The following NCOA7 variants were observed in gnomAD, a reference collection of about 807,000 sequenced individuals.
NCOA7 encodes 140 kDa estrogen receptor-associated protein.
NCOA7 carries 45 observed loss-of-function variants against 104.3 expected under a neutral mutation model. That is an observed-to-expected ratio of 0.43 (90% confidence interval 0.34 to 0.55). The LOEUF is 0.55. Among genes scored for constraint, NCOA7 ranks in the 20% least tolerant of loss-of-function variants. NCOA7 has a pLI of 0.02. For missense variants in NCOA7, 1,041 were observed against 1,119.7 expected, an observed-to-expected ratio of 0.93 and a Z score of 1.00; for synonymous variants, 398 against 402.3, an observed-to-expected ratio of 0.99 and a Z score of 0.13.
At chr6:125,824,622 G>A (rs1562837835) in intron 2 of NCOA7, among the ~76,000 whole-genome samples, 1 of 152,162 alleles carries the variant, frequency 6.6e-6, no homozygotes, top group East Asian at 1.9e-4. Context: ...ATTTCAGGGA[G>A]TTTATAAATC....
rs948296517 is a variant in NCOA7 at position 125,927,579 on chromosome 6, A to G, written c.2524-84A>G. On this transcript the variant is annotated intron_variant, in intron 13 of 15. Coordinates refer to ENST00000392477, the MANE Select transcript of NCOA7 (RefSeq NM_181782.5). Reference sequence around the variant, plus strand: ...TCTTTGCTGAAATAGATCTCAGAACATGATGTATCAAAAATATTCCAGAAA... The same window carrying G: ...TCTTTGCTGAAATAGATCTCAGAACGTGATGTATCAAAAATATTCCAGAAA... 3.0e-6 allele frequency: 3 copies of G among 992,382 alleles called. No individual in the cohort carries two copies. The African/African-American group carries it at 4.8e-5, about 16-fold the overall frequency. The allele number at this position is 992,382 out of a possible 1,614,324, so 61.5% of individuals were successfully genotyped here.
chr6:125,903,783 G>A (rs1785719316), intron 10 of NCOA7, among the ~76,000 whole-genome samples: 2 of 149,422 alleles, frequency 1.3e-5, no homozygotes, highest in African/African-American at 4.9e-5. Context: ...TCAGCTCACT[G>A]CAACCTCCAC....
At chr6:125,839,274 C>T (rs759844760) in intron 2 of NCOA7, among the ~76,000 whole-genome samples, 2 of 152,092 alleles carry the variant, frequency 1.3e-5, no homozygotes, top group South Asian at 2.1e-4. Context: ...CATGCCACCA[C>T]GCCTGGATAA....
At chr6:125,847,474 T>C (rs868755828) in intron 2 of NCOA7, among the ~76,000 whole-genome samples, 2 of 152,208 alleles carry the variant, frequency 1.3e-5, no homozygotes, top group Non-Finnish European at 2.9e-5. Flanking sequence ...TTTTCAAAAG[T>C]GTGCATTTTT....
chr6:125,889,765 A>C lies in NCOA7; in HGVS notation c.1711A>C (p.Ile571Leu). The C allele has an allele frequency of 6.2e-7, 1 of 1,612,588 alleles. No individual in the cohort carries two copies. Among genetic ancestry groups the C allele is most frequent in the Non-Finnish European group, 8.5e-7 (1 of 1,179,462 alleles). ...TTCTCTTTCCCAGGCGGGTGATCCC[A>C]TAACTGAGGGCAATAAAGAGCCAGA... is the stretch of plus-strand genomic sequence containing the variant. ...SSSLSQAGDP[I>L]TEGNKEPDKT... is the part of the protein sequence containing the mutation. The change falls in exon 9 of 16, where the codon ATA (isoleucine) becomes CTA (leucine). Residue 571 changes from isoleucine to leucine, a missense_variant. Around this residue, in one of 2 missense-constraint regions of NCOA7, gnomAD observed 914 missense variants for 942.7 expected, o/e 0.97. Coordinates refer to ENST00000392477, the MANE Select transcript of NCOA7 (RefSeq NM_181782.5).
upstream of NCOA7, among the ~76,000 whole-genome samples, chr6:125,790,361 C>T (rs934996583): frequency 6.6e-6 from 1 of 152,210 alleles, no homozygotes; most frequent in South Asian, 2.1e-4. Flanking sequence ...GGAAGCGGCC[C>T]GGGGTGAGGT....
At chr6:125,922,541 C>G in intron 12 of NCOA7, 141 bp from the exon 13 acceptor site, 1 of 979,824 alleles carries the variant, frequency 1.0e-6, no homozygotes, top group Non-Finnish European at 1.5e-6. Flanking sequence ...TTTAGAATAG[C>G]AAATATTTGC....
intron 1 of NCOA7, among the ~76,000 whole-genome samples, chr6:125,814,090 TTATTG>T (rs1375237043): frequency 6.6e-6 from 1 of 152,180 alleles, no homozygotes; most frequent in African/African-American, 2.4e-5. Flanking sequence ...ATTAATTTGT[TTATTG>T]AATTGAAATG....
intron 1 of NCOA7, 63 bp from the exon 2 acceptor site, chr6:125,815,228 A>G (rs878915752): frequency 1.7e-6 from 1 of 597,240 alleles, no homozygotes; most frequent in African/African-American, 1.9e-5. Flanking sequence ...ACTCCATTTT[A>G]TTTTTCACAT....
intron 10 of NCOA7, among the ~76,000 whole-genome samples, chr6:125,914,031 C>G (rs1786823026): frequency 6.6e-6 from 1 of 152,240 alleles, no homozygotes; most frequent in Non-Finnish European, 1.5e-5. Context: ...GTCAGTCTTT[C>G]AAGAGCCATT....
At chr6:125,797,383 CAG>C (rs1211730180) in intron 1 of NCOA7, among the ~76,000 whole-genome samples, 2 of 152,126 alleles carry the variant, frequency 1.3e-5, no homozygotes, top group South Asian at 2.1e-4. Flanking sequence ...AGCTGATTAA[CAG>C]AGGATTTAGA....
At chr6:125,851,232 C>G (rs1781097782) in intron 2 of NCOA7, among the ~76,000 whole-genome samples, 1 of 151,910 alleles carries the variant, frequency 6.6e-6, no homozygotes, top group African/African-American at 2.4e-5. Flanking sequence ...GTACATTGTA[C>G]CCAATATGTA....
At chr6:125,875,997 A>G (rs1412217110) in intron 4 of NCOA7, among the ~76,000 whole-genome samples, 1 of 151,910 alleles carries the variant, frequency 6.6e-6, no homozygotes, top group Non-Finnish European at 1.5e-5. Flanking sequence ...CAAAGTGGGG[A>G]CTCAGTTGTA....
chr6:125,872,696 G>A (rs1293656508), intron 3 of NCOA7, among the ~76,000 whole-genome samples: 1 of 151,888 alleles, frequency 6.6e-6, no homozygotes, highest in Admixed American at 6.6e-5. Context: ...TATTGTTAAT[G>A]TTTTATTGCT....
chr6:125,907,610 G>A (rs1016503052), intron 10 of NCOA7, among the ~76,000 whole-genome samples: 2 of 152,166 alleles, frequency 1.3e-5, no homozygotes, highest in East Asian at 1.9e-4. Flanking sequence ...CATGAGATCT[G>A]ACTATGGACA....
At chr6:125,880,700 T>G (rs1454754173) in intron 5 of NCOA7, among the ~76,000 whole-genome samples, 1 of 151,810 alleles carries the variant, frequency 6.6e-6, no homozygotes, top group Non-Finnish European at 1.5e-5. Context: ...AGCTAAATTT[T>G]TTTGTATTTT....
chr6:125,858,096 T>G (rs1381570190), intron 3 of NCOA7, among the ~76,000 whole-genome samples: 2 of 152,084 alleles, frequency 1.3e-5, no homozygotes, highest in African/African-American at 4.8e-5. Flanking sequence ...TAGACTTCCT[T>G]TCTGCATTGT....
intron 3 of NCOA7, among the ~76,000 whole-genome samples, chr6:125,868,707 T>C (rs1030406424): frequency 1.3e-5 from 2 of 152,250 alleles, no homozygotes; most frequent in African/African-American, 4.8e-5. Flanking sequence ...TGGAAACAGA[T>C]TCTCCTGTTC....
chr6:125,834,907 A>T (rs530760722), intron 2 of NCOA7, among the ~76,000 whole-genome samples: 39 of 152,344 alleles, frequency 2.6e-4, no homozygotes, highest in African/African-American at 8.9e-4. Context: ...GCATTAAGTT[A>T]TAGTGTCTGG....
Sources: gnomAD v4.1 joint callset for allele counts (sites outside exome capture counted in the v4.1 genomes callset) on GRCh38, gnomAD v4.1.1 for gene constraint, gnomAD v4.1.1 regional missense constraint, MANE v1.5 for transcripts, NCBI Gene and HGNC (gene_info 2026-07-23, HGNC 2026-07-21) for gene names.